WDR49: variants seen among roughly 807,000 people sequenced by gnomAD.
WDR49 encodes WD repeat domain 49.
In WDR49, 107 loss-of-function variants were observed where a neutral mutation model predicts 119.5. That is an observed-to-expected ratio of 0.90 (90% CI 0.77 to 1.05). The LOEUF (loss-of-function observed/expected upper bound fraction) is 1.05, where lower values mean the gene tolerates loss of function less well. Among genes scored for constraint, WDR49 ranks in the 50% least tolerant of loss-of-function variants. WDR49 has a pLI of 0.00. For synonymous variants in WDR49, 425 were observed against 418.8 expected (o/e 1.01, Z -0.18); for missense variants, 1,240 against 1,220.5 (o/e 1.02, Z -0.24).
At chr3:167,612,525 A>C (rs1451650757) in intron 5 of WDR49, among the ~76,000 whole-genome samples, 1 of 152,116 alleles carries the variant, frequency 6.6e-6, no homozygotes, top group Non-Finnish European at 1.5e-5. Context: ...AAGATTAATG[A>C]AACAAAAAGT....
At chr3:167,601,300 G>T (rs990182308) in intron 7 of WDR49, among the ~76,000 whole-genome samples, 1 of 152,120 alleles carries the variant, frequency 6.6e-6, no homozygotes, top group Admixed American at 6.5e-5. Flanking sequence ...AATTTATGGG[G>T]TGTGGCTAAG....
rs759960414 is a variant in WDR49, at chr3:167,532,876, T to TA, written c.2053+2dup. ...GTTATTTTCGTTTCAAACTCACACTTACCTAATTTTGACTTTAGCAACCTC... is the reference window on the plus strand; with the variant it reads ...GTTATTTTCGTTTCAAACTCACACTTAACCTAATTTTGACTTTAGCAACCTC... On this transcript the variant is annotated splice_region_variant and intron_variant, in intron 12 of 18. Transcript: ENST00000682715. 12 of 1,606,976 alleles carry TA rather than the reference T, an allele frequency of 7.5e-6. No individual in the cohort carries two copies. The East Asian group carries it at 2.0e-4, about 27-fold the overall frequency.
chr3:167,588,037 G>A (rs192152564), intron 7 of WDR49, among the ~76,000 whole-genome samples: 25 of 152,074 alleles, frequency 1.6e-4, no homozygotes, highest in Non-Finnish European at 3.5e-4. Context: ...GCAAATACTA[G>A]GTCCTCTTAA....
At chr3:167,533,748 T>G (rs1752927419) in intron 11 of WDR49, among the ~76,000 whole-genome samples, 2 of 151,974 alleles carry the variant, frequency 1.3e-5, no homozygotes, top group South Asian at 4.2e-4. Context: ...CCATGTCCTG[T>G]GGAGGAACAA....
At chr3:167,513,470 T>C (rs769536414) in intron 16 of WDR49, among the ~76,000 whole-genome samples, 7 of 152,034 alleles carry the variant, frequency 4.6e-5, no homozygotes, top group African/African-American at 1.2e-4. Context: ...GCACTGAATA[T>C]GAAAAGGAAA....
At chr3:167,542,531 A>T (rs999061804) in intron 10 of WDR49, among the ~76,000 whole-genome samples, 1 of 150,322 alleles carries the variant, frequency 6.7e-6, no homozygotes, top group Non-Finnish European at 1.5e-5. Flanking sequence ...TCTGCTCCTC[A>T]ATGATCTTTG....
chr3:167,482,546 G>C (rs867875892), intron 18 of WDR49, among the ~76,000 whole-genome samples: 7 of 151,866 alleles, frequency 4.6e-5, no homozygotes, highest in Middle Eastern at 3.4e-3. Context: ...GGGCCTGGTG[G>C]TGGGCGCCTG....
chr3:167,520,348 C>T (rs1752393336), intron 16 of WDR49, among the ~76,000 whole-genome samples: 1 of 152,082 alleles, frequency 6.6e-6, no homozygotes, highest in Admixed American at 6.6e-5. Context: ...TACTTGCCTT[C>T]ACTCTGCTAT....
chr3:167,593,755 GCT>G (rs1224517955), intron 7 of WDR49, among the ~76,000 whole-genome samples: 1 of 152,008 alleles, frequency 6.6e-6, no homozygotes. Context: ...GATATGGTTG[GCT>G]CTGTGTTCCC....
At chr3:167,526,825 A>G (rs910907721) in intron 15 of WDR49, among the ~76,000 whole-genome samples, 6 of 152,082 alleles carry the variant, frequency 3.9e-5, no homozygotes. Flanking sequence ...TCCAACACTA[A>G]AAGAATTGCC....
chr3:167,607,160 G>T (rs751504936), intron 5 of WDR49, among the ~76,000 whole-genome samples: 4 of 152,094 alleles, frequency 2.6e-5, no homozygotes, highest in Non-Finnish European at 4.4e-5. Context: ...TTCCTTTATG[G>T]TCAGGAGGTT....
intron 7 of WDR49, among the ~76,000 whole-genome samples, chr3:167,579,014 G>C (rs1462304915): frequency 6.6e-6 from 1 of 152,002 alleles, no homozygotes; most frequent in African/African-American, 2.4e-5. Flanking sequence ...GTTTTTACAA[G>C]ATCTGATGGT....
At chr3:167,499,853 G>C (rs1751492453) in intron 18 of WDR49, among the ~76,000 whole-genome samples, 2 of 152,144 alleles carry the variant, frequency 1.3e-5, no homozygotes, top group South Asian at 4.1e-4. Context: ...TGAAAATTAA[G>C]GTTATTTGGG....
chr3:167,528,954 C>T, intron 14 of WDR49, 98 bp downstream of exon 14: 6 of 952,126 alleles, frequency 6.3e-6, no homozygotes, highest in African/African-American at 1.7e-5. Flanking sequence ...TACATTTTTT[C>T]CTTTGTTTAG....
intron 18 of WDR49, among the ~76,000 whole-genome samples, chr3:167,498,964 T>C (rs1751461016): frequency 6.6e-6 from 1 of 152,216 alleles, no homozygotes; most frequent in African/African-American, 2.4e-5. Flanking sequence ...CAAAGTGGCA[T>C]ATTTTGGAGT....
At chr3:167,555,289 C>A (rs554142515) in intron 9 of WDR49, among the ~76,000 whole-genome samples, 1 of 152,104 alleles carries the variant, frequency 6.6e-6, no homozygotes, top group Non-Finnish European at 1.5e-5. Context: ...GCTGAACATA[C>A]GTGGAGGTTG....
At chr3:167,530,624 G>A (rs370172383) in intron 13 of WDR49, among the ~76,000 whole-genome samples, 27 of 151,356 alleles carry the variant, frequency 1.8e-4, no homozygotes, top group African/African-American at 6.5e-4. Context: ...CTCTTGTCCT[G>A]GGATTAGCAA....
chr3:167,656,588 A>G (rs1718610730), upstream of WDR49, among the ~76,000 whole-genome samples: 1 of 152,198 alleles, frequency 6.6e-6, no homozygotes, highest in Admixed American at 6.5e-5. Context: ...CATTAGTCAA[A>G]ACAGGAAAGT....
At chr3:167,634,589 C>T (rs1717530716) in intron 2 of WDR49, among the ~76,000 whole-genome samples, 1 of 151,770 alleles carries the variant, frequency 6.6e-6, no homozygotes, top group Non-Finnish European at 1.5e-5. Flanking sequence ...AAAGCATAAA[C>T]TCTAAAATTT....
Sources: allele counts gnomAD v4.1 joint callset (sites outside exome capture counted in the v4.1 genomes callset), GRCh38; gene constraint gnomAD v4.1.1; transcripts MANE v1.5; gene names NCBI Gene and HGNC (gene_info 2026-07-23, HGNC 2026-07-21).